Variants in GPM6A observed in about 807,000 individuals in gnomAD.
The protein encoded by GPM6A is neuronal membrane glycoprotein M6-a.
GPM6A carries 7 observed loss-of-function variants against 32.1 expected under a neutral mutation model. The ratio of observed to expected loss-of-function variants is 0.22; its 90% CI spans 0.12 to 0.41. GPM6A has a LOEUF of 0.41. GPM6A is among the 10% of genes least tolerant of loss of function. The pLI, the probability that GPM6A is intolerant of heterozygous loss-of-function variation, is 1.00. For synonymous variants in GPM6A, 130 were observed against 123.4 expected, an observed-to-expected ratio of 1.05 and a Z score of -0.35; for missense variants, 235 against 347.2, an observed-to-expected ratio of 0.68 and a Z score of 2.57.
chr4:175,925,977 A>G lies in GPM6A; in HGVS notation c.-23+76332T>C, dbSNP rs558719723. Among the ~76,000 whole-genome samples the G allele has an allele frequency of 8.4e-4, 127 of 151,186 alleles. 1 individual carries two copies. The highest frequency in any genetic ancestry group is 1.7e-3 in the Non-Finnish European group (115 of 67,796). ...AGCAATTCTCCTGCCCCAGCCTCCC[A>G]AGCAGCTGGAATTAAAGGTGCCTGC... On this transcript the variant is annotated intron_variant, in intron 1 of 7. Transcript: ENST00000280187.
At chr4:175,652,356 G>T (rs1169512125) in intron 3 of GPM6A, among the ~76,000 whole-genome samples, 3 of 152,064 alleles carry the variant, frequency 2.0e-5, no homozygotes, top group Non-Finnish European at 2.9e-5. Flanking sequence ...GAATTCAGGA[G>T]AATTAAAAGT....
At chr4:175,666,253 C>T (rs1232523496) in intron 3 of GPM6A, among the ~76,000 whole-genome samples, 1 of 152,068 alleles carries the variant, frequency 6.6e-6, no homozygotes, top group East Asian at 1.9e-4. Flanking sequence ...GTTCCCAATA[C>T]AATAATGCTA....
intron 4 of GPM6A, 145 bp downstream of exon 4, chr4:175,651,689 T>C (rs1447394635): frequency 1.6e-6 from 1 of 622,960 alleles, no homozygotes; most frequent in Non-Finnish European, 2.8e-6. Context: ...GGAATAGCCT[T>C]AGCAGTAATA....
chr4:175,804,489 G>A (rs540635405), intron 1 of GPM6A, among the ~76,000 whole-genome samples: 10 of 152,030 alleles, frequency 6.6e-5, no homozygotes, highest in Non-Finnish European at 1.5e-4. Context: ...AATGGCCCTT[G>A]ACTAAATAGT....
intron 1 of GPM6A, among the ~76,000 whole-genome samples, chr4:175,710,505 C>A (rs965937549): frequency 6.7e-6 from 1 of 149,586 alleles, no homozygotes; most frequent in Non-Finnish European, 1.5e-5. Flanking sequence ...CTTTTTAAAT[C>A]TTCTGTATGT....
intron 6 of GPM6A, among the ~76,000 whole-genome samples, chr4:175,636,217 T>G (rs1740576673): frequency 6.8e-6 from 1 of 146,682 alleles, no homozygotes; most frequent in African/African-American, 2.5e-5. Flanking sequence ...GTGAGTTATA[T>G]TCTTGTACAT....
chr4:175,704,856 C>T (rs540493707), intron 1 of GPM6A, among the ~76,000 whole-genome samples: 1 of 152,256 alleles, frequency 6.6e-6, no homozygotes, highest in Non-Finnish European at 1.5e-5. Context: ...TGGGAATTGC[C>T]TTTGCTGGAT....
chr4:175,788,537 T>C (rs1020627539), intron 1 of GPM6A, among the ~76,000 whole-genome samples: 11 of 152,180 alleles, frequency 7.2e-5, no homozygotes, highest in African/African-American at 2.7e-4. Context: ...ATCATACAGA[T>C]GCAAATACAA....
At chr4:175,853,393 C>CTACTT in intron 1 of GPM6A, among the ~76,000 whole-genome samples, 1 of 151,782 alleles carries the variant, frequency 6.6e-6, no homozygotes, top group Non-Finnish European at 1.5e-5. Flanking sequence ...TCCTTTTTAC[C>CTACTT]TTAACTAAAA....
At chr4:175,686,335 C>A (rs1019169489) in intron 2 of GPM6A, among the ~76,000 whole-genome samples, 9 of 152,144 alleles carry the variant, frequency 5.9e-5, no homozygotes, top group African/African-American at 2.2e-4. Flanking sequence ...CTTCCTAATC[C>A]CTGACACCTA....
chr4:175,787,446 G>C (rs1733846643), intron 1 of GPM6A: 2 of 1,505,034 alleles, frequency 1.3e-6, no homozygotes, highest in Non-Finnish European at 1.8e-6. Flanking sequence ...TTAACATTCT[G>C]TTTCGTGTTC....
chr4:176,001,220 T>C (rs909971730), intron 1 of GPM6A, among the ~76,000 whole-genome samples: 25 of 152,256 alleles, frequency 1.6e-4, no homozygotes, highest in Admixed American at 1.4e-3. Flanking sequence ...CCTTTACTCT[T>C]GGAGAAATCC....
At chr4:175,766,854 C>T (rs1176487238) in intron 1 of GPM6A, among the ~76,000 whole-genome samples, 1 of 151,960 alleles carries the variant, frequency 6.6e-6, no homozygotes, top group Non-Finnish European at 1.5e-5. Flanking sequence ...AGGGTTTCAC[C>T]ATGTTGGCCA....
At chr4:175,760,666 A>C (rs2111208230) in intron 1 of GPM6A, among the ~76,000 whole-genome samples, 1 of 152,284 alleles carries the variant, frequency 6.6e-6, no homozygotes, top group South Asian at 2.1e-4. Flanking sequence ...TAAACTGAAA[A>C]CCATAGGGAA....
chr4:175,777,518 T>C (rs1247652855), intron 1 of GPM6A, among the ~76,000 whole-genome samples: 2 of 152,042 alleles, frequency 1.3e-5, no homozygotes, highest in Non-Finnish European at 2.9e-5. Flanking sequence ...ATTCTCTTCT[T>C]TATTAACTTA....
intron 1 of GPM6A, among the ~76,000 whole-genome samples, chr4:175,869,732 G>T (rs1380191042): frequency 6.6e-6 from 1 of 151,896 alleles, no homozygotes; most frequent in Non-Finnish European, 1.5e-5. Context: ...ACTCCAGCCT[G>T]GGTGACAGAA....
intron 1 of GPM6A, among the ~76,000 whole-genome samples, chr4:175,877,589 G>A (rs932901045): frequency 1.3e-5 from 2 of 152,120 alleles, no homozygotes; most frequent in Non-Finnish European, 2.9e-5. Context: ...AATGTTGTGA[G>A]AACTCATTCA....
At chr4:175,936,831 TTAAAAA>T (rs1198498085) in intron 1 of GPM6A, among the ~76,000 whole-genome samples, 21 of 152,020 alleles carry the variant, frequency 1.4e-4, no homozygotes, top group Admixed American at 1.3e-3. Flanking sequence ...TTTAGAACTC[TTAAAAA>T]TAAATAATAA....
In GPM6A at chr4:175,995,964, T is replaced by C. The variant is rs181879714; in HGVS notation, c.-23+6345A>G. Among the ~76,000 whole-genome samples, 10 of 147,250 alleles carry C rather than the reference T, an allele frequency of 6.8e-5. No individual in the cohort carries two copies. In the East Asian group the frequency reaches 1.9e-3, roughly 28 times the overall value. On this transcript the variant is annotated intron_variant, in intron 1 of 7. Transcript: ENST00000280187. ...CTTTGTTTGCTTGCTATAGCATGGA[T>C]AGTGAGCATTGAGTACACAGCTTTG...
Sources: gnomAD v4.1 joint callset for allele counts (sites outside exome capture counted in the v4.1 genomes callset) on GRCh38, gnomAD v4.1.1 for gene constraint, MANE v1.5 for transcripts, NCBI Gene and HGNC (gene_info 2026-07-23, HGNC 2026-07-21) for gene names.